Variants in MEIOB observed in about 807,000 individuals in gnomAD.
MEIOB encodes meiosis-specific with OB domain-containing protein.
In MEIOB, 50 loss-of-function variants were observed where a neutral mutation model predicts 53.1. That is an observed-to-expected ratio of 0.94 (90% CI 0.75 to 1.19). The LOEUF is 1.19. MEIOB is among the 50% of genes most tolerant of loss of function. MEIOB has a pLI of 0.00. For synonymous variants in MEIOB, 192 were observed against 182.5 expected, an observed-to-expected ratio of 1.05 and a Z score of -0.42; for missense variants, 551 against 550.8, an observed-to-expected ratio of 1.00 and a Z score of 0.00.
At chr16:1,861,949 A>G (rs2150822208) in intron 4 of MEIOB, 36 bp downstream of exon 4, 1 of 1,539,394 alleles carries the variant, frequency 6.5e-7, no homozygotes, top group Non-Finnish European at 8.8e-7. Context: ...GAATAACACT[A>G]TGATGGAAAA....
intron 1 of MEIOB, among the ~76,000 whole-genome samples, chr16:1,868,988 A>T (rs1180120012): frequency 1.3e-5 from 2 of 152,170 alleles, no homozygotes; most frequent in Non-Finnish European, 2.9e-5. Context: ...CATGTTCAGA[A>T]TGTCCTTTTA....
chr16:1,868,715 C>T (rs911824219), intron 1 of MEIOB, among the ~76,000 whole-genome samples: 4 of 151,690 alleles, frequency 2.6e-5, no homozygotes, highest in Non-Finnish European at 5.9e-5. Context: ...ATTAGCTGGG[C>T]TTGGTGGCAG....
At chr16:1,855,162 G>A (rs1287134599) in intron 6 of MEIOB, among the ~76,000 whole-genome samples, 10 of 152,186 alleles carry the variant, frequency 6.6e-5, no homozygotes, top group African/African-American at 1.4e-4. Flanking sequence ...GGCCGGGAGG[G>A]GTGGCTCACG....
chr16:1,850,555 A>T (rs1300159908), intron 9 of MEIOB, among the ~76,000 whole-genome samples: 1 of 151,482 alleles, frequency 6.6e-6, no homozygotes, highest in Non-Finnish European at 1.5e-5. Flanking sequence ...CAGCCTGGGG[A>T]CAGAGCAAGA....
chr16:1,839,189 T>C (rs1172935025), intron 12 of MEIOB, 66 bp downstream of exon 12: 3 of 1,459,866 alleles, frequency 2.1e-6, no homozygotes, highest in South Asian at 1.5e-5. Flanking sequence ...AAACAACCTA[T>C]ATTTTTTTGG....
chr16:1,852,117 G>A (rs1899186466), intron 9 of MEIOB, among the ~76,000 whole-genome samples: 1 of 152,128 alleles, frequency 6.6e-6, no homozygotes, highest in Non-Finnish European at 1.5e-5. Context: ...TGTTATCAAT[G>A]TCCTAGCAGT....
chr16:1,843,119 C>G (rs1898953879), intron 10 of MEIOB, among the ~76,000 whole-genome samples: 1 of 150,184 alleles, frequency 6.7e-6, no homozygotes, highest in African/African-American at 2.4e-5. Context: ...ATGGTGAAAC[C>G]CTGTCTCTAC....
chr16:1,865,458 C>T (rs917040641), intron 3 of MEIOB, among the ~76,000 whole-genome samples: 6 of 142,774 alleles, frequency 4.2e-5, no homozygotes, highest in South Asian at 2.2e-4. Context: ...AACACATGTA[C>T]TCAAATATAC....
At position 1,860,429 on chromosome 16, in the gene MEIOB, T is replaced by G; in HGVS notation, c.306A>C (p.Glu102Asp). Residue 102 changes from glutamate (E) to aspartate (D), a missense_variant, in exon 5 of 14, where the codon GAA becomes GAC. Glu to Asp is a conservative substitution (Grantham distance 45). Coordinates refer to ENST00000325962, the MANE Select transcript of MEIOB (RefSeq NM_001163560.3). ...TAGGAGTTGCAGGGCTGAATTTTTC[T>G]TCTCTTTCTATTTCCTTTCTTTGGA... ...PLIQRKEIEREEKFSPATPSN... is the reference protein window; with the variant it reads ...PLIQRKEIERDEKFSPATPSN... 2 of 1,547,034 alleles carry G rather than the reference T, an allele frequency of 1.3e-6. No homozygotes were observed. The highest frequency in any genetic ancestry group is 1.7e-6 in the Non-Finnish European group (2 of 1,143,080).
intron 13 of MEIOB, among the ~76,000 whole-genome samples, chr16:1,836,342 G>A (rs1375058120): frequency 6.6e-6 from 1 of 152,112 alleles, no homozygotes; most frequent in Admixed American, 6.5e-5. Flanking sequence ...TCCACTTGAG[G>A]GTCATTCATT....
chr16:1,862,259 A>C (rs1369332695), intron 3 of MEIOB, 143 bp from the exon 4 acceptor site: 1 of 651,412 alleles, frequency 1.5e-6, no homozygotes, highest in Admixed American at 3.0e-5. Context: ...GATTATGATA[A>C]TAAAAATACT....
At chr16:1,846,296 A>C (rs1382977392) in intron 9 of MEIOB, among the ~76,000 whole-genome samples, 1 of 152,096 alleles carries the variant, frequency 6.6e-6, no homozygotes, top group Non-Finnish European at 1.5e-5. Flanking sequence ...GCTGGCAGGG[A>C]TGGGTGGGTA....
chr16:1,855,831 C>T (rs923333081), intron 6 of MEIOB, among the ~76,000 whole-genome samples: 8 of 152,166 alleles, frequency 5.3e-5, no homozygotes, highest in African/African-American at 1.9e-4. Context: ...ACAGCCAGGG[C>T]CCTGCCATCT....
At chr16:1,846,692 A>T (rs1051891946) in intron 9 of MEIOB, among the ~76,000 whole-genome samples, 1 of 152,136 alleles carries the variant, frequency 6.6e-6, no homozygotes, top group South Asian at 2.1e-4. Context: ...CAGCAAACTA[A>T]CACAGGAACA....
intron 9 of MEIOB, among the ~76,000 whole-genome samples, chr16:1,849,630 T>C (rs1899112621): frequency 6.6e-6 from 1 of 151,776 alleles, no homozygotes; most frequent in African/African-American, 2.4e-5. Context: ...AACCTGCATG[T>C]TCGGCACATG....
At chr16:1,835,869 T>C (rs1260713678) in intron 13 of MEIOB, among the ~76,000 whole-genome samples, 1 of 151,804 alleles carries the variant, frequency 6.6e-6, no homozygotes, top group Non-Finnish European at 1.5e-5. Flanking sequence ...TTTCTTTTTT[T>C]TTTTTTTTGA....
rs1899571249 is a variant in MEIOB, at chr16:1,865,554, C to T, written c.127+224G>A. The stretch of plus-strand genomic sequence containing the variant: ...GTGTGTATACACATAAACATATATA[C>T]ACATATGTGTGTATGTATACATATA... On this transcript the variant is annotated intron_variant, in intron 3 of 13. Coordinates refer to ENST00000325962, the MANE Select transcript of MEIOB (RefSeq NM_001163560.3). 4.0e-5 allele frequency among the ~76,000 whole-genome samples: 6 copies of T among 151,572 alleles called. 1 individual carries two copies. In the South Asian group the frequency reaches 1.2e-3, roughly 31 times the overall value.
In MEIOB at chr16:1,846,730, C is replaced by T. The variant is rs535887814; in HGVS notation, c.779-1767G>A. ...AAGCCAAATACCATATGTTCTCACT[C>T]ATAAGTGGGAGCTGAACAATGAGAT... On this transcript the variant is annotated intron_variant, in intron 9 of 13. Coordinates refer to ENST00000325962, the MANE Select transcript of MEIOB (RefSeq NM_001163560.3). Among the ~76,000 whole-genome samples, 182 of 151,840 alleles carry T rather than the reference C, an allele frequency of 1.2e-3. 1 individual carries two copies. Among genetic ancestry groups the T allele is most frequent in the Middle Eastern group, 6.8e-3 (2 of 294 alleles).
At chr16:1,857,975 G>A in intron 5 of MEIOB, 45 bp from the exon 6 acceptor site, 1 of 1,283,198 alleles carries the variant, frequency 7.8e-7, no homozygotes, top group Non-Finnish European at 1.1e-6. Flanking sequence ...GTGATCTTTG[G>A]AAAGAAAAAT....
Sources: gnomAD v4.1 joint callset for allele counts (sites outside exome capture counted in the v4.1 genomes callset) on GRCh38, gnomAD v4.1.1 for gene constraint, MANE v1.5 for transcripts, NCBI Gene and HGNC (gene_info 2026-07-23, HGNC 2026-07-21) for gene names.